The following FANCI variants were observed in gnomAD, a reference collection of about 807,000 sequenced individuals.
FANCI encodes the protein FA complementation group I, also known as Fanconi anemia group I protein.
Under a neutral mutation model 176.1 loss-of-function variants are expected in FANCI, and 156 were observed. That is an observed-to-expected ratio of 0.89 (90% CI 0.78 to 1.01). The LOEUF (loss-of-function observed/expected upper bound fraction) is 1.01, where lower values mean the gene tolerates loss of function less well. FANCI is among the 50% of genes least tolerant of loss of function. The pLI is 0.00. For missense variants in FANCI, 1,678 were observed against 1,534.1 expected, an observed-to-expected ratio of 1.09 and a Z score of -1.57; for synonymous variants, 613 against 541.7, an observed-to-expected ratio of 1.13 and a Z score of -1.83.
chr15:89,260,329 T>C (rs1489138641), intron 3 of FANCI, among the ~76,000 whole-genome samples: 1 of 152,220 alleles, frequency 6.6e-6, no homozygotes, highest in Non-Finnish European at 1.5e-5. Context: ...AGTTCACAAG[T>C]ATTTGTATAG....
At chr15:89,305,892 A>T (rs991240331) in intron 31 of FANCI, 115 bp from the exon 32 acceptor site, 20 of 1,147,518 alleles carry the variant, frequency 1.7e-5, no homozygotes, top group Non-Finnish European at 2.2e-5. Flanking sequence ...TGCATATTGA[A>T]TGTTCGTTTT....
intron 34 of FANCI, among the ~76,000 whole-genome samples, chr15:89,310,635 G>C (rs1227059217): frequency 6.6e-6 from 1 of 152,232 alleles, no homozygotes; most frequent in Non-Finnish European, 1.5e-5. Context: ...CTGGGCAAGA[G>C]CCCATGCATG....
chr15:89,259,344 T>C (rs975284441), intron 3 of FANCI: 1 of 154,408 alleles, frequency 6.5e-6, no homozygotes, highest in African/African-American at 2.4e-5. Flanking sequence ...GGTTTATTTT[T>C]CTTCCCCCAA....
chr15:89,287,140 A>T (rs2053851566), intron 18 of FANCI, among the ~76,000 whole-genome samples: 1 of 151,900 alleles, frequency 6.6e-6, no homozygotes, highest in Non-Finnish European at 1.5e-5. Context: ...TACCCAGCTA[A>T]TTTTTGTATT....
intron 30 of FANCI, 23 bp downstream of exon 30, chr15:89,305,432 G>T (rs1390189332): frequency 3.1e-6 from 5 of 1,613,032 alleles, no homozygotes; most frequent in Non-Finnish European, 3.4e-6. Flanking sequence ...CCTGAGCCAT[G>T]GGGAATAGCT....
chr15:89,246,689 C>T (rs1263158291), intron 1 of FANCI, among the ~76,000 whole-genome samples: 1 of 151,864 alleles, frequency 6.6e-6, no homozygotes, highest in Non-Finnish European at 1.5e-5. Flanking sequence ...GCTGCGAAAC[C>T]TTGACATTTA....
intron 18 of FANCI, among the ~76,000 whole-genome samples, chr15:89,288,261 A>G (rs1030920095): frequency 6.6e-6 from 1 of 152,174 alleles, no homozygotes; most frequent in African/African-American, 2.4e-5. Flanking sequence ...CCAGCTGGCA[A>G]AGGTGCACTA....
At chr15:89,282,977 T>C in intron 16 of FANCI, 159 bp from the exon 17 acceptor site, 1 of 735,260 alleles carries the variant, frequency 1.4e-6, no homozygotes. Flanking sequence ...TTTGAACAGC[T>C]GATACCTTAT....
intron 31 of FANCI, 82 bp from the exon 32 acceptor site, chr15:89,305,925 T>C (rs1453989389): frequency 7.1e-7 from 1 of 1,401,112 alleles, no homozygotes; most frequent in African/African-American, 1.4e-5. Context: ...TTCTAGTTAG[T>C]AGTAATCAAT....
intron 11 of FANCI, 28 bp downstream of exon 11, chr15:89,273,497 CT>C: frequency 1.7e-6 from 1 of 576,020 alleles, no homozygotes; most frequent in Non-Finnish European, 2.8e-6. Context: ...CATTTTGTTT[CT>C]TTCTGTAGTT....
chr15:89,296,166 T>C (rs1337772697), intron 24 of FANCI, among the ~76,000 whole-genome samples: 1 of 152,188 alleles, frequency 6.6e-6, no homozygotes, highest in South Asian at 2.1e-4. Flanking sequence ...GGTTTCACCA[T>C]GTTGGCCAGG....
intron 12 of FANCI, 40 bp from the exon 13 acceptor site, chr15:89,276,671 C>T (rs752477330): frequency 1.2e-6 from 2 of 1,608,916 alleles, no homozygotes; most frequent in Non-Finnish European, 1.7e-6. Flanking sequence ...GAATATCTCA[C>T]TAAGTTTTTC....
At chr15:89,303,446 T>C (rs1488717026) in intron 27 of FANCI, among the ~76,000 whole-genome samples, 1 of 152,234 alleles carries the variant, frequency 6.6e-6, no homozygotes, top group Non-Finnish European at 1.5e-5. Flanking sequence ...TCCTTTGTTC[T>C]TTTGGCTTCT....
intron 10 of FANCI, among the ~76,000 whole-genome samples, chr15:89,269,390 C>G (rs2053109913): frequency 6.6e-6 from 1 of 151,660 alleles, no homozygotes; most frequent in Non-Finnish European, 1.5e-5. Context: ...TCTAAAATGT[C>G]TTTTGCAGCT....
In FANCI at chr15:89,260,851, G is replaced by T; in HGVS notation, c.288+8G>T. ...GGATTACTGATGCTGGAGGTAAGAT[G>T]GCAAACAAAAACTTTTATTTGGGGG... On this transcript the variant is annotated splice_region_variant and intron_variant, in intron 4 of 37. Coordinates refer to ENST00000310775, the MANE Select transcript of FANCI (RefSeq NM_001113378.2). 1 of 1,613,160 alleles carries T rather than the reference G, an allele frequency of 6.2e-7. No individual in the cohort carries two copies. The highest frequency in any genetic ancestry group is 1.1e-5 in the South Asian group (1 of 91,034).
chr15:89,288,487 A>C (rs754124931), intron 18 of FANCI, among the ~76,000 whole-genome samples: 5 of 152,160 alleles, frequency 3.3e-5, no homozygotes, highest in Non-Finnish European at 5.9e-5. Context: ...GTAGTGATAA[A>C]ACTTGTCATA....
At chr15:89,303,718 C>A in intron 27 of FANCI, 146 bp from the exon 28 acceptor site, 1 of 660,630 alleles carries the variant, frequency 1.5e-6, no homozygotes, top group Non-Finnish European at 2.7e-6. Context: ...TTATGCCCTT[C>A]ATCATATATT....
At chr15:89,277,694 G>T (rs2053462783) in intron 13 of FANCI, among the ~76,000 whole-genome samples, 1 of 146,474 alleles carries the variant, frequency 6.8e-6, no homozygotes, top group Non-Finnish European at 1.5e-5. Context: ...ACATTTTTTT[G>T]ACATTATTAC....
rs1436027510 is a variant in FANCI, at chr15:89,269,459, GTTC to G, written c.882+937_882+939del. On this transcript the variant is annotated intron_variant, in intron 10 of 37. Coordinates refer to ENST00000310775, the MANE Select transcript of FANCI (RefSeq NM_001113378.2). ...CAGGCTTCATGCATTGCATTTGGTT[GTTC>G]TTTCTTTCTAGTTTTAGACTGATTT... 2.0e-5 allele frequency among the ~76,000 whole-genome samples: 3 copies of G among 151,444 alleles called. No homozygotes were observed. The East Asian group carries it at 5.9e-4, about 30-fold the overall frequency.
Sources: gnomAD v4.1 joint callset for allele counts (sites outside exome capture counted in the v4.1 genomes callset) on GRCh38, gnomAD v4.1.1 for gene constraint, MANE v1.5 for transcripts, NCBI Gene and HGNC (gene_info 2026-07-23, HGNC 2026-07-21) for gene names.